Variants in FHIT observed in about 807,000 individuals in gnomAD.
FHIT encodes the protein bis(5'-adenosyl)-triphosphatase.
Under a neutral mutation model 17.9 loss-of-function variants are expected in FHIT, and 19 were observed. That is an observed-to-expected ratio of 1.06 (90% CI 0.74 to 1.56). The LOEUF (loss-of-function observed/expected upper bound fraction) is 1.56. Ranked by LOEUF, FHIT falls within the 40% of genes most tolerant of loss-of-function variation. FHIT has a pLI of 0.00. For synonymous variants in FHIT, 81 were observed against 69.7 expected (o/e 1.16, Z -0.81); for missense variants, 248 against 189.2 (o/e 1.31, Z -1.82).
intron 5 of FHIT, among the ~76,000 whole-genome samples, chr3:60,019,366 G>A (rs1241119321): frequency 6.6e-6 from 1 of 151,538 alleles, no homozygotes; most frequent in Non-Finnish European, 1.5e-5. Context: ...AGGTATCTTG[G>A]CTGTCCTAGT....
At chr3:60,735,758 T>C (rs1353914208) in intron 4 of FHIT, among the ~76,000 whole-genome samples, 1 of 152,212 alleles carries the variant, frequency 6.6e-6, no homozygotes, top group Non-Finnish European at 1.5e-5. Flanking sequence ...CTTCTTACTT[T>C]CATTAAGCCA....
At chr3:61,088,927 TGA>T (rs543793137) in intron 2 of FHIT, among the ~76,000 whole-genome samples, 350 of 152,192 alleles carry the variant, frequency 2.3e-3, no homozygotes, top group Non-Finnish European at 4.2e-3. Flanking sequence ...GGGAAATGGT[TGA>T]GAGTCATGGA....
At chr3:59,973,040 G>T (rs1044188136) in intron 7 of FHIT, among the ~76,000 whole-genome samples, 6 of 152,014 alleles carry the variant, frequency 3.9e-5, no homozygotes, top group African/African-American at 1.4e-4. Context: ...GCTAGACAGG[G>T]TGTGTCTCCC....
chr3:61,194,129 T>A (rs1233849483), intron 2 of FHIT, among the ~76,000 whole-genome samples: 1 of 152,032 alleles, frequency 6.6e-6, no homozygotes, highest in African/African-American at 2.4e-5. Flanking sequence ...TTCTTCCCAG[T>A]ATGGAGCAGG....
In FHIT at chr3:61,158,716, G is replaced by T. The variant is rs533125514; in HGVS notation, c.-164+41901C>A. On this transcript the variant is annotated intron_variant, in intron 2 of 9. Transcript: ENST00000492590. ...TACAAAATAACAACACCAGGTCCAA[G>T]TTCACTACAGCAATAGGATCTACAA... Among the ~76,000 whole-genome samples, 198 of 152,334 alleles carry T rather than the reference G, an allele frequency of 1.3e-3. 2 individuals carry two copies. The highest frequency in any genetic ancestry group is 4.1e-3 in the African/African-American group (170 of 41,576).
intron 4 of FHIT, among the ~76,000 whole-genome samples, chr3:60,637,071 C>T (rs2856050): frequency 6.6e-6 from 1 of 152,078 alleles, no homozygotes; most frequent in African/African-American, 2.4e-5. Flanking sequence ...AGAAGAGAAG[C>T]TCCAGTTTCA....
At chr3:60,582,062 A>G (rs1333006702) in intron 4 of FHIT, among the ~76,000 whole-genome samples, 1 of 152,092 alleles carries the variant, frequency 6.6e-6, no homozygotes, top group Non-Finnish European at 1.5e-5. Context: ...GGTCTGAAGC[A>G]GTGATTCTCA....
intron 9 of FHIT, chr3:59,749,817 C>G (rs1404991292): frequency 4.5e-6 from 1 of 222,356 alleles, no homozygotes; most frequent in Non-Finnish European, 8.9e-6. Context: ...TTCCATTGTC[C>G]TTAAAGGGAG....
chr3:59,868,120 C>G (rs986590873), intron 8 of FHIT, among the ~76,000 whole-genome samples: 1 of 148,006 alleles, frequency 6.8e-6, no homozygotes, highest in Admixed American at 6.8e-5. Flanking sequence ...AGCGGAAGAG[C>G]TAAATTCATT....
chr3:61,123,606 G>A (rs535802818), intron 2 of FHIT, among the ~76,000 whole-genome samples: 20 of 152,116 alleles, frequency 1.3e-4, no homozygotes, highest in Non-Finnish European at 2.5e-4. Flanking sequence ...TACATTAGAA[G>A]AAGCAGAAAT....
intron 4 of FHIT, among the ~76,000 whole-genome samples, chr3:60,548,454 C>G (rs192482407): frequency 2.3e-4 from 35 of 152,280 alleles, no homozygotes; most frequent in African/African-American, 7.2e-4. Context: ...TTAAGAAACT[C>G]AGGCCTTCAG....
chr3:60,040,165 G>T (rs1016233698), intron 5 of FHIT, among the ~76,000 whole-genome samples: 4 of 139,452 alleles, frequency 2.9e-5, no homozygotes, highest in Non-Finnish European at 6.5e-5. Context: ...TTATTTTTTT[G>T]AGACAGAGTC....
At chr3:59,912,518 G>T (rs938090133) in intron 8 of FHIT, among the ~76,000 whole-genome samples, 1 of 152,010 alleles carries the variant, frequency 6.6e-6, no homozygotes, top group Non-Finnish European at 1.5e-5. Flanking sequence ...CTTACTAAGA[G>T]AAACAATTTT....
At chr3:61,172,339 G>T (rs952273921) in intron 2 of FHIT, among the ~76,000 whole-genome samples, 3 of 152,282 alleles carry the variant, frequency 2.0e-5, no homozygotes, top group Middle Eastern at 6.8e-3. Flanking sequence ...GGGGAAAAAT[G>T]CAAGGGCAGC....
chr3:60,411,401 G>C (rs140747850), intron 5 of FHIT, among the ~76,000 whole-genome samples: 1 of 152,222 alleles, frequency 6.6e-6, no homozygotes, highest in Non-Finnish European at 1.5e-5. Context: ...TCCACTTAAT[G>C]TGTCTAGAAG....
intron 5 of FHIT, among the ~76,000 whole-genome samples, chr3:60,406,666 G>C (rs547861680): frequency 1.4e-5 from 2 of 138,338 alleles, no homozygotes; most frequent in East Asian, 4.8e-4. Context: ...AAATTCTAGA[G>C]AAGGATGGTG....
At chr3:60,991,712 C>G (rs1250014837) in intron 3 of FHIT, among the ~76,000 whole-genome samples, 1 of 152,096 alleles carries the variant, frequency 6.6e-6, no homozygotes, top group Non-Finnish European at 1.5e-5. Flanking sequence ...TTCCCAGAGT[C>G]TTGGTGAAAA....
At chr3:59,855,025 C>A (rs191406609) in intron 8 of FHIT, among the ~76,000 whole-genome samples, 1 of 152,294 alleles carries the variant, frequency 6.6e-6, no homozygotes, top group Admixed American at 6.5e-5. Context: ...CCAGTGATCA[C>A]AATTGTGGCC....
At chr3:60,400,788 TGAAATCTCAGTGC>T (rs1701629272) in intron 5 of FHIT, among the ~76,000 whole-genome samples, 3 of 152,308 alleles carry the variant, frequency 2.0e-5, no homozygotes, top group Admixed American at 6.5e-5. Context: ...TCTCTCTAAG[TGAAATCTCAGTGC>T]GAAATCTCAG....
Sources: allele counts gnomAD v4.1 joint callset (sites outside exome capture counted in the v4.1 genomes callset), GRCh38; gene constraint gnomAD v4.1.1; transcripts MANE v1.5; gene names NCBI Gene and HGNC (gene_info 2026-07-23, HGNC 2026-07-21).